Variants in FBLN1 observed in about 807,000 individuals in gnomAD.
FBLN1 encodes fibulin 1.
FBLN1 carries 34 observed loss-of-function variants against 89.7 expected under a neutral mutation model. That is an observed-to-expected ratio of 0.38 (90% CI 0.29 to 0.50). The LOEUF is 0.50. Among genes scored for constraint, FBLN1 ranks in the 20% least tolerant of loss-of-function variants. The pLI is 0.92. For synonymous variants in FBLN1, 393 were observed against 391.3 expected, an observed-to-expected ratio of 1.00 and a Z score of -0.05; for missense variants, 777 against 988.1, an observed-to-expected ratio of 0.79 and a Z score of 2.86.
At chr22:45,571,901 C>T (rs1286612567) in intron 14 of FBLN1, among the ~76,000 whole-genome samples, 4 of 152,036 alleles carry the variant, frequency 2.6e-5, no homozygotes. Flanking sequence ...GAGGCCAAGG[C>T]AGGCAGATCA....
In FBLN1 at chr22:45,514,271, C is replaced by A. The variant is rs575278297; in HGVS notation, c.80-4411C>A. ...CTTGTTTTGGAACCCAAGTTAATGA[C>A]GCACCTTTTCTTGTGTGGGCTACAC... On this transcript the variant is annotated intron_variant, in intron 1 of 16. Coordinates refer to ENST00000327858, the MANE Select transcript of FBLN1 (RefSeq NM_006486.3). Among the ~76,000 whole-genome samples, 6 of 152,260 alleles carry A rather than the reference C, an allele frequency of 3.9e-5. No individual in the cohort carries two copies. The East Asian group carries it at 1.2e-3, about 29-fold the overall frequency.
At position 45,532,706 on chromosome 22, in the gene FBLN1, G is replaced by A. The variant is rs374480729; in HGVS notation, c.545-357G>A. Among the ~76,000 whole-genome samples the A allele has an allele frequency of 1.4e-4, 21 of 152,248 alleles. No homozygotes were observed. The East Asian group carries it at 3.5e-3, about 25-fold the overall frequency. The stretch of plus-strand genomic sequence containing the variant: ...GTTCAGTGAGGAGCAGGTACATGAG[G>A]CCTAGTTGGGGCCTGGCCTTCCACG... On this transcript the variant is annotated intron_variant, in intron 5 of 16. Transcript: ENST00000327858. The surrounding 1 kb of genome is among the most constrained non-coding windows in gnomAD (Gnocchi z 4.2).
chr22:45,580,066 T>C lies in FBLN1; in HGVS notation c.1972+2958T>C, dbSNP rs958288246. On this transcript the variant is annotated intron_variant, in intron 16 of 16. Transcript: ENST00000327858. The surrounding 1 kb of genome is among the most constrained non-coding windows in gnomAD (Gnocchi z 8.6). The stretch of plus-strand genomic sequence containing the variant: ...AGACACTGCCAGCGACGGGTCATGA[T>C]TGTCTCCCTTGGGCAAAGGAGGGAG... Among the ~76,000 whole-genome samples, 2 of 152,146 alleles carry C rather than the reference T, an allele frequency of 1.3e-5. No homozygotes were observed. The highest frequency in any genetic ancestry group is 2.9e-5 in the Non-Finnish European group (2 of 68,022).
chr22:45,506,295 G>A (rs1042597144), intron 1 of FBLN1, among the ~76,000 whole-genome samples: 1 of 152,222 alleles, frequency 6.6e-6, no homozygotes, highest in South Asian at 2.1e-4. Flanking sequence ...CCAGCCAGGC[G>A]CTGAGCAGAA....
chr22:45,524,148 C>T (rs993237530), intron 2 of FBLN1, among the ~76,000 whole-genome samples: 3 of 152,202 alleles, frequency 2.0e-5, no homozygotes, highest in Non-Finnish European at 4.4e-5. Context: ...TCCAGTCCCC[C>T]AGGGAAGGTT....
At chr22:45,533,231 G>C in intron 6 of FBLN1, 67 bp downstream of exon 6, 1 of 1,403,050 alleles carries the variant, frequency 7.1e-7, no homozygotes, top group South Asian at 1.2e-5. Context: ...CTGTGCTGGA[G>C]GACTGACCAG....
rs555559733 is a variant in FBLN1, at chr22:45,527,435, G to A, written c.322-412G>A. On this transcript the variant is annotated intron_variant, in intron 3 of 16. Transcript: ENST00000327858. ...CAGCATGCATGTGTGTCATTTTTCC[G>A]GGCATGGTAGAGAAATCTCAGACCA... 3.6e-4 allele frequency among the ~76,000 whole-genome samples: 55 copies of A among 152,222 alleles called. 1 individual carries two copies. The South Asian group carries it at 8.3e-3, about 23-fold the overall frequency.
rs1235640910 is a variant in FBLN1 at position 45,590,234 on chromosome 22, A to AT, written c.1973-10072dup. Among the ~76,000 whole-genome samples, 6 of 151,988 alleles carry AT rather than the reference A, an allele frequency of 3.9e-5. No homozygotes were observed. Among genetic ancestry groups the AT allele is most frequent in the African/African-American group, 1.4e-4 (6 of 41,380 alleles). On this transcript the variant is annotated intron_variant, in intron 16 of 16. Coordinates refer to ENST00000327858, the MANE Select transcript of FBLN1 (RefSeq NM_006486.3). This position sits in a 1 kb window ranked among gnomAD's most constrained non-coding sequence, Gnocchi z 4.1. ...GCCAGGCCAGCCTCTCTTCCCCCCCATCCCTCCAGACCTTCATTGCATCTG... is the reference window on the plus strand; with the variant it reads ...GCCAGGCCAGCCTCTCTTCCCCCCCATTCCCTCCAGACCTTCATTGCATCTG...
intron 2 of FBLN1, among the ~76,000 whole-genome samples, chr22:45,525,131 CAG>C (rs140962602): frequency 1.5e-5 from 2 of 133,918 alleles, no homozygotes; most frequent in Non-Finnish European, 3.2e-5. Flanking sequence ...GAAAGAAAAA[CAG>C]AGAGAAAGAA....
rs1272674488 is a variant in FBLN1, at chr22:45,577,509, G to T, written c.1972+401G>T. Among the ~76,000 whole-genome samples, 1 of 152,270 alleles carries T rather than the reference G, an allele frequency of 6.6e-6. No homozygotes were observed. The highest frequency in any genetic ancestry group is 1.5e-5 in the Non-Finnish European group (1 of 68,056). The stretch of plus-strand genomic sequence containing the variant: ...AGCTAAGGGGATTGTTATTCTTGGG[G>T]TGCAATGGGAGGGATAGCAAAGTAG... On this transcript the variant is annotated intron_variant, in intron 16 of 16. Coordinates refer to ENST00000327858, the MANE Select transcript of FBLN1 (RefSeq NM_006486.3). This position sits in a 1 kb window ranked among gnomAD's most constrained non-coding sequence, Gnocchi z 6.6.
At chr22:45,595,886 TTGAGACAGAGTC>T (rs2089180342) in intron 16 of FBLN1, among the ~76,000 whole-genome samples, 1 of 152,298 alleles carries the variant, frequency 6.6e-6, no homozygotes, top group Non-Finnish European at 1.5e-5. Flanking sequence ...GTTTTGTTTT[TTGAGACAGAGTC>T]TTGCTCTGTC....
intron 10 of FBLN1, 126 bp downstream of exon 10, chr22:45,542,409 TGA>T: frequency 1.5e-6 from 2 of 1,325,874 alleles, no homozygotes; most frequent in South Asian, 2.5e-5. Flanking sequence ...AGGCAGACCC[TGA>T]GAGAAGATCC....
chr22:45,554,863 AT>A (rs1433535186), intron 14 of FBLN1, among the ~76,000 whole-genome samples: 1 of 152,230 alleles, frequency 6.6e-6, no homozygotes, highest in Non-Finnish European at 1.5e-5. Context: ...GTGACAAGAA[AT>A]TAGAACTTGT....
At chr22:45,584,609 G>A (rs755920161) in intron 16 of FBLN1, among the ~76,000 whole-genome samples, 1 of 152,192 alleles carries the variant, frequency 6.6e-6, no homozygotes, top group Non-Finnish European at 1.5e-5. Flanking sequence ...TATTTGCCCT[G>A]CAGGGTAATA....
intron 14 of FBLN1, chr22:45,565,228 C>T: frequency 6.9e-7 from 1 of 1,453,004 alleles, no homozygotes; most frequent in Non-Finnish European, 9.2e-7. Flanking sequence ...TCTGAGCTTC[C>T]TTAGAACCTT....
intron 16 of FBLN1, among the ~76,000 whole-genome samples, chr22:45,591,246 G>A (rs188559700): frequency 5.9e-5 from 9 of 152,216 alleles, no homozygotes; most frequent in East Asian, 5.8e-4. Flanking sequence ...TTTTCTCCCC[G>A]GTGAGCCCCC....
chr22:45,579,818 C>T lies in FBLN1; in HGVS notation c.1972+2710C>T, dbSNP rs1279391922. 2.0e-5 allele frequency among the ~76,000 whole-genome samples: 3 copies of T among 152,100 alleles called. No individual in the cohort carries two copies. The highest frequency in any genetic ancestry group is 2.9e-5 in the Non-Finnish European group (2 of 68,012). On this transcript the variant is annotated intron_variant, in intron 16 of 16. Transcript: ENST00000327858. The surrounding 1 kb of genome is among the most constrained non-coding windows in gnomAD (Gnocchi z 5.5). ...GGCTTCCATATCCCTACTTCCTTCT[C>T]CCTCCTCTTCTGCCCAGAATAACTT...
In FBLN1 at chr22:45,600,639, A is replaced by G. The variant is rs1920925693; in HGVS notation, c.*193A>G. On this transcript the variant is annotated 3_prime_UTR_variant, in exon 17 of 17. Transcript: ENST00000327858. Reference sequence around the variant, plus strand: ...TTTTCGGTGTTTAAAAAATGAGCCCAGTTGCTCAACTGTTTGGTTGAAAAC... The same window carrying G: ...TTTTCGGTGTTTAAAAAATGAGCCCGGTTGCTCAACTGTTTGGTTGAAAAC... 1.5e-6 allele frequency: 1 copy of G among 687,660 alleles called. No individual in the cohort carries two copies. The highest frequency in any genetic ancestry group is 2.6e-6 in the Non-Finnish European group (1 of 389,208). The allele number at this position is 687,660 out of a possible 1,614,324, so 42.6% of individuals were successfully genotyped here. A position where few individuals can be genotyped will look rare whatever the true frequency, so the allele number is the denominator to read the frequency against.
intron 14 of FBLN1, among the ~76,000 whole-genome samples, chr22:45,570,355 G>GAAAAAAAAAAAAAAAAA (rs56383142): frequency 9.2e-6 from 1 of 108,634 alleles, no homozygotes; most frequent in Non-Finnish European, 1.8e-5. Context: ...GAAAAGAAAA[G>GAAAAAAAAAAAAAAAAA]AAAAAAAAAA....
Sources: allele counts gnomAD v4.1 joint callset (sites outside exome capture counted in the v4.1 genomes callset), GRCh38; gene constraint gnomAD v4.1.1; non-coding constraint Gnocchi (gnomAD v3.1); transcripts MANE v1.5; gene names NCBI Gene and HGNC (gene_info 2026-07-23, HGNC 2026-07-21).